CIITA: variants seen among roughly 807,000 people sequenced by gnomAD.
The protein encoded by CIITA is class II major histocompatibility complex transactivator.
Under a neutral mutation model 115.1 loss-of-function variants are expected in CIITA, and 72 were observed. The observed-to-expected ratio is 0.63, with a 90% CI of 0.52 to 0.76. CIITA has a LOEUF of 0.76. CIITA is among the 30% of genes least tolerant of loss of function. CIITA has a pLI of 0.00. For synonymous variants in CIITA, 763 were observed against 635.6 expected, an observed-to-expected ratio of 1.20 and a Z score of -3.02; for missense variants, 1,617 against 1,463.8, an observed-to-expected ratio of 1.10 and a Z score of -1.71.
At chr16:10,910,010 C>T (rs1425643245) in intron 12 of CIITA, among the ~76,000 whole-genome samples, 178 bp from the exon 13 acceptor site, 4 of 152,112 alleles carry the variant, frequency 2.6e-5, no homozygotes, top group Non-Finnish European at 4.4e-5. Context: ...GCTGGGACTA[C>T]AGTCACGAGG....
chr16:10,895,323 G>T lies in CIITA; in HGVS notation c.94G>T (p.Gly32Cys), dbSNP rs1177219026. The change falls in exon 2 of 20, where the codon GGT becomes TGT. Residue 32 changes from glycine to cysteine, a missense_variant. By Grantham distance (159) the Gly-to-Cys change is radical (BLOSUM62 -3). Coordinates refer to ENST00000324288, the MANE Select transcript of CIITA (RefSeq NM_000246.4). ...CACCATGGAGTTGGGGCCCCTAGAAGGTGGCTACCTGGAGCTTCTTAACAG... is the reference window on the plus strand; with the variant it reads ...CACCATGGAGTTGGGGCCCCTAGAATGTGGCTACCTGGAGCTTCTTAACAG... ...CATMELGPLE[G>C]GYLELLNSDA... 2 of 1,614,104 alleles carry T rather than the reference G, an allele frequency of 1.2e-6. No individual in the cohort carries two copies. Among genetic ancestry groups the T allele is most frequent in the Non-Finnish European group, 1.7e-6 (2 of 1,180,032 alleles).
Position 10,904,826 on chromosome 16 carries a change from G to A in CIITA, c.1006+14G>A. Reference sequence around the variant, plus strand: ...CAAAATGGCCTGGTGAGTGATGCGGGATCTCTCTGCCCTGGGTGGTGGAGA... The same window carrying A: ...CAAAATGGCCTGGTGAGTGATGCGGAATCTCTCTGCCCTGGGTGGTGGAGA... On this transcript the variant is annotated intron_variant, in intron 10 of 19. Coordinates refer to ENST00000324288, the MANE Select transcript of CIITA (RefSeq NM_000246.4). 1 of 1,613,972 alleles carries A rather than the reference G, an allele frequency of 6.2e-7. No homozygotes were observed. The highest frequency in any genetic ancestry group is 8.5e-7 in the Non-Finnish European group (1 of 1,179,810).
Position 10,907,210 on chromosome 16 carries a change from A to G in CIITA, c.1718A>G (p.Gln573Arg). ...LFELSGFSME[Q>R]AQAYVMRYFE... is the part of the protein sequence containing the mutation. The stretch of plus-strand genomic sequence containing the variant: ...GAGCTGTCCGGCTTCTCCATGGAGC[A>G]GGCCCAGGCATACGTGATGCGCTAC... Residue 573 changes from glutamine (Q) to arginine (R), a missense_variant, in exon 11 of 20, where the codon CAG (glutamine) becomes CGG (arginine). Coordinates refer to ENST00000324288, the MANE Select transcript of CIITA (RefSeq NM_000246.4). This position sits in a 1 kb window ranked among gnomAD's most constrained non-coding sequence, Gnocchi z 5.0. 2 of 1,613,404 alleles carry G rather than the reference A, an allele frequency of 1.2e-6. No homozygotes were observed. The highest frequency in any genetic ancestry group is 1.7e-6 in the Non-Finnish European group (2 of 1,179,974).
chr16:10,903,523 C>A lies in CIITA; in HGVS notation c.773-208C>A, dbSNP rs573798927. Among the ~76,000 whole-genome samples the A allele has an allele frequency of 1.1e-4, 16 of 152,308 alleles. No individual in the cohort carries two copies. In the South Asian group the frequency reaches 3.3e-3, roughly 32 times the overall value. The stretch of plus-strand genomic sequence containing the variant: ...TTATGAGCTAATTGCACCCATTTCA[C>A]AGATTGGAAAAGCAAGGTTCCAGGA... On this transcript the variant is annotated intron_variant, in intron 8 of 19. Coordinates refer to ENST00000324288, the MANE Select transcript of CIITA (RefSeq NM_000246.4).
Position 10,901,524 on chromosome 16 carries a change from G to T in CIITA, c.447G>T (p.Glu149Asp), listed in dbSNP as rs910534495. Residue 149 changes from glutamate to aspartate, a missense_variant, in exon 6 of 20, where the codon GAG becomes GAT. Physicochemically the swap from Glu to Asp is conservative, Grantham distance 45 (BLOSUM62 2). Coordinates refer to ENST00000324288, the MANE Select transcript of CIITA (RefSeq NM_000246.4). This position sits in a 1 kb window ranked among gnomAD's most constrained non-coding sequence, Gnocchi z 6.8. ...ATGTTTTCTCTGCAGCCTTCCCAGA[G>T]GAGCTTCCGGCAGACCTGAAGCACT... is the stretch of plus-strand genomic sequence containing the variant. ...GQKSQKRPFP[E>D]ELPADLKHWK... 1 of 1,614,006 alleles carries T rather than the reference G, an allele frequency of 6.2e-7. No individual in the cohort carries two copies. Among genetic ancestry groups the T allele is most frequent in the African/African-American group, 1.3e-5 (1 of 74,934 alleles).
intron 1 of CIITA, among the ~76,000 whole-genome samples, chr16:10,885,360 G>A (rs1380145346): frequency 1.3e-5 from 2 of 152,028 alleles, no homozygotes; most frequent in African/African-American, 2.4e-5. Flanking sequence ...ATGCATGCAG[G>A]CACATGCACG....
At chr16:10,911,128 C>T (rs1331874441) in intron 13 of CIITA, among the ~76,000 whole-genome samples, 1 of 152,158 alleles carries the variant, frequency 6.6e-6, no homozygotes, top group African/African-American at 2.4e-5. Context: ...AGGGGCAGCC[C>T]ACCATACATG....
chr16:10,892,063 C>G (rs577057427), intron 1 of CIITA, among the ~76,000 whole-genome samples: 2 of 152,300 alleles, frequency 1.3e-5, no homozygotes, highest in Non-Finnish European at 1.5e-5. Flanking sequence ...GTGGCTCACA[C>G]CTGTAATCCC....
At position 10,920,419 on chromosome 16, in the gene CIITA, G is replaced by T. The variant is rs937857818; in HGVS notation, c.3150-1748G>T. ...CCCGCCACCACACCAGGCTATTTTT[G>T]TGTTTTCAGTAGAGACAGGGCTTCG... On this transcript the variant is annotated intron_variant, in intron 16 of 19. Transcript: ENST00000324288. The surrounding 1 kb of genome is among the most constrained non-coding windows in gnomAD (Gnocchi z 4.5). Among the ~76,000 whole-genome samples the T allele has an allele frequency of 2.0e-5, 3 of 152,124 alleles. No homozygotes were observed. Among genetic ancestry groups the T allele is most frequent in the Admixed American group, 2.0e-4 (3 of 15,284 alleles).
chr16:10,873,291 T>TTCAAATGCTCA (rs1350346214), upstream of CIITA, among the ~76,000 whole-genome samples: 1 of 152,182 alleles, frequency 6.6e-6, no homozygotes. Flanking sequence ...TGCTCAGTCT[T>TTCAAATGCTCA]GTGTAGGTAT....
Position 10,877,317 on chromosome 16 carries a change from G to A in CIITA, c.-14G>A, listed in dbSNP as rs2035917382. 6.2e-7 allele frequency: 1 copy of A among 1,612,060 alleles called. No homozygotes were observed. Among genetic ancestry groups the A allele is most frequent in the Non-Finnish European group, 8.5e-7 (1 of 1,179,050 alleles). ...AGACTCCGGGAGCTGCTGCCTGGCT[G>A]GGATTCCTACACAATGCGTTGCCTG... On this transcript the variant is annotated 5_prime_UTR_variant, in exon 1 of 20. Transcript: ENST00000324288.
Position 10,907,138 on chromosome 16 carries a change from C to G in CIITA, c.1646C>G (p.Pro549Arg). The change falls in exon 11 of 20, where the codon CCC becomes CGC. Residue 549 changes from proline to arginine, a missense_variant. By Grantham distance (103) the Pro-to-Arg change is moderately radical. Coordinates refer to ENST00000324288, the MANE Select transcript of CIITA (RefSeq NM_000246.4). This position sits in a 1 kb window ranked among gnomAD's most constrained non-coding sequence, Gnocchi z 5.0. ...RGCTLLLTAR[P>R]RGRLVQSLSK... is the part of the protein sequence containing the mutation. Reference sequence around the variant, plus strand: ...TGCACCCTCCTCCTCACAGCCCGGCCCCGGGGCCGCCTGGTCCAGAGCCTG... The same window carrying G: ...TGCACCCTCCTCCTCACAGCCCGGCGCCGGGGCCGCCTGGTCCAGAGCCTG... 6.2e-7 allele frequency: 1 copy of G among 1,612,782 alleles called. No homozygotes were observed. Among genetic ancestry groups the G allele is most frequent in the East Asian group, 2.2e-5 (1 of 44,852 alleles).
At chr16:10,904,931 T>A in intron 10 of CIITA, 119 bp downstream of exon 10, 1 of 1,004,998 alleles carries the variant, frequency 1.0e-6, no homozygotes, top group Non-Finnish European at 1.6e-6. Flanking sequence ...ACACACTCAT[T>A]TATTTATTCA....
intron 9 of CIITA, among the ~76,000 whole-genome samples, chr16:10,904,402 A>G (rs1377977329): frequency 6.6e-6 from 1 of 152,054 alleles, no homozygotes; most frequent in Non-Finnish European, 1.5e-5. Flanking sequence ...TTGTAATTTC[A>G]GTAGAGACAA....
chr16:10,898,853 G>A (rs1213797674), intron 4 of CIITA, 72 bp from the exon 5 acceptor site: 4 of 1,592,372 alleles, frequency 2.5e-6, no homozygotes, highest in Admixed American at 3.3e-5. Context: ...TCTCCCCAAG[G>A]TGGGTACAAT....
At chr16:10,917,369 TCAC>T (rs780816859) in intron 15 of CIITA, among the ~76,000 whole-genome samples, 7 of 152,240 alleles carry the variant, frequency 4.6e-5, no homozygotes, top group Non-Finnish European at 8.8e-5. Flanking sequence ...AGACGTGGTT[TCAC>T]CACGTTGCCC....
rs769190445 is a variant in CIITA at position 10,907,454 on chromosome 16, C to A, written c.1962C>A (p.Pro654=). 3 of 1,613,190 alleles carry A rather than the reference C, an allele frequency of 1.9e-6. No homozygotes were observed. Among genetic ancestry groups the A allele is most frequent in the South Asian group, 1.1e-5 (1 of 91,072 alleles). ...LLGRAALDSP[P]GALAELAKLA... ...GCCGTGCAGCCCTCGACAGCCCCCC[C>A]GGGGCCCTGGCAGAGCTGGCCAAGC... The change falls in exon 11 of 20, where the codon CCC becomes CCA. Residue 654 remains proline (P), a synonymous_variant. Transcript: ENST00000324288. The surrounding 1 kb of genome is among the most constrained non-coding windows in gnomAD (Gnocchi z 5.0).
chr16:10,898,839 C>T lies in CIITA; in HGVS notation c.359-86C>T. ...GACCATTCATTGATGGGCAGTCAGA[C>T]CCCTCTCCCCAAGGTGGGTACAATA... On this transcript the variant is annotated intron_variant, in intron 4 of 19. Transcript: ENST00000324288. 13 of 1,591,138 alleles carry T rather than the reference C, an allele frequency of 8.2e-6. No homozygotes were observed. In the South Asian group the frequency reaches 1.3e-4, roughly 16 times the overall value.
upstream of CIITA, among the ~76,000 whole-genome samples, chr16:10,876,948 A>G (rs1191741755): frequency 6.6e-6 from 1 of 152,206 alleles, no homozygotes. Flanking sequence ...TCTGAACGTC[A>G]GACTGTTGAA....
Sources: allele counts gnomAD v4.1 joint callset (sites outside exome capture counted in the v4.1 genomes callset), GRCh38; gene constraint gnomAD v4.1.1; non-coding constraint Gnocchi (gnomAD v3.1); transcripts MANE v1.5; gene names NCBI Gene and HGNC (gene_info 2026-07-23, HGNC 2026-07-21).